The following MED27 variants were observed in gnomAD, a reference collection of about 807,000 sequenced individuals.
MED27 encodes mediator complex subunit 27.
In MED27, 30 loss-of-function variants were observed where a neutral mutation model predicts 38.2. That is an observed-to-expected ratio of 0.79 (90% CI 0.59 to 1.07). The LOEUF is 1.07. Among genes scored for constraint, MED27 ranks in the 50% least tolerant of loss-of-function variants. MED27 has a pLI of 0.00. For synonymous variants in MED27, 122 were observed against 153.5 expected (o/e 0.79, Z 1.52); for missense variants, 289 against 397.5 (o/e 0.73, Z 2.32).
chr9:131,919,382 T>G (rs1830349703), intron 4 of MED27, among the ~76,000 whole-genome samples: 1 of 152,000 alleles, frequency 6.6e-6, no homozygotes. Context: ...TCTAGGGAGC[T>G]GAGGGCCAAG....
At chr9:131,950,074 C>T (rs985060601) in intron 3 of MED27, among the ~76,000 whole-genome samples, 1 of 152,070 alleles carries the variant, frequency 6.6e-6, no homozygotes, top group African/African-American at 2.4e-5. Context: ...AAGCAACATA[C>T]TAAGTTTGGG....
At chr9:131,868,914 T>C in intron 6 of MED27, 1 of 985,478 alleles carries the variant, frequency 1.0e-6, no homozygotes, top group African/African-American at 1.7e-5. Flanking sequence ...CTAGAAAGTG[T>C]CCTCTTCAGA....
In MED27 at chr9:132,079,704, G is replaced by C. The variant is rs1361724037; in HGVS notation, c.141C>G (p.Gly47=). 5.0e-6 allele frequency: 8 copies of C among 1,613,392 alleles called. No homozygotes were observed. The South Asian group carries it at 8.8e-5, about 18-fold the overall frequency. Residue 47 remains glycine (G), a synonymous_variant, in exon 1 of 8, where the codon GGC becomes GGG. Coordinates refer to ENST00000292035, the MANE Select transcript of MED27 (RefSeq NM_004269.4). ...AGTGCGCAATAAAGGCCTTCTCCCGGCCCTCCAGCGTCTCCTTGTTCCGCA... is the reference window on the plus strand; with the variant it reads ...AGTGCGCAATAAAGGCCTTCTCCCGCCCCTCCAGCGTCTCCTTGTTCCGCA... ...DGMRNKETLE[G]REKAFIAHFQ...
At chr9:131,968,885 G>A (rs149778857) in intron 3 of MED27, among the ~76,000 whole-genome samples, 19 of 152,104 alleles carry the variant, frequency 1.2e-4, no homozygotes, top group African/African-American at 3.1e-4. Context: ...CTCAGCAGCC[G>A]CCTTAGATTC....
intron 3 of MED27, among the ~76,000 whole-genome samples, chr9:131,979,483 CAAAAAAAAAA>C (rs36197993): frequency 2.3e-5 from 3 of 127,744 alleles, no homozygotes; most frequent in Admixed American, 7.8e-5. Flanking sequence ...AAAGCTGTTC[CAAAAAAAAAA>C]AAAAAAAAAA....
At chr9:131,988,131 T>C (rs2131037460) in intron 3 of MED27, among the ~76,000 whole-genome samples, 1 of 152,362 alleles carries the variant, frequency 6.6e-6, no homozygotes, top group East Asian at 1.9e-4. Flanking sequence ...GTGAGCTCTT[T>C]TGCCTTTTTC....
At chr9:132,040,217 C>T (rs1426551149) in intron 2 of MED27, among the ~76,000 whole-genome samples, 1 of 152,206 alleles carries the variant, frequency 6.6e-6, no homozygotes, top group Admixed American at 6.5e-5. Context: ...AAAGCTGCTG[C>T]CAGCCACCAG....
intron 3 of MED27, among the ~76,000 whole-genome samples, chr9:132,004,096 A>G (rs1217869278): frequency 2.0e-5 from 3 of 151,774 alleles, no homozygotes; most frequent in African/African-American, 7.3e-5. Flanking sequence ...AACCGAGGAA[A>G]CCCCCCGGGA....
At chr9:131,903,403 A>T (rs1208403624) in intron 4 of MED27, among the ~76,000 whole-genome samples, 1 of 152,178 alleles carries the variant, frequency 6.6e-6, no homozygotes, top group African/African-American at 2.4e-5. Flanking sequence ...GAATTATGGG[A>T]GCTACAAGAT....
At chr9:131,907,893 G>T (rs1220061305) in intron 4 of MED27, among the ~76,000 whole-genome samples, 14 of 148,590 alleles carry the variant, frequency 9.4e-5, no homozygotes, top group African/African-American at 3.5e-4. Context: ...TGTGAGGAGC[G>T]CCTCTGCCCG....
chr9:131,978,579 T>C (rs1029647587), intron 3 of MED27, among the ~76,000 whole-genome samples: 1 of 152,238 alleles, frequency 6.6e-6, no homozygotes, highest in Non-Finnish European at 1.5e-5. Flanking sequence ...TGCTTTGAAA[T>C]AGCATAAGGA....
chr9:132,005,434 C>T (rs938374056), intron 3 of MED27, among the ~76,000 whole-genome samples: 3 of 152,172 alleles, frequency 2.0e-5, no homozygotes, highest in African/African-American at 7.2e-5. Flanking sequence ...GCTCTGAATG[C>T]CAGGTATTTG....
intron 2 of MED27, among the ~76,000 whole-genome samples, chr9:132,065,938 T>G (rs1024366377): frequency 3.9e-5 from 6 of 152,380 alleles, no homozygotes; most frequent in East Asian, 3.9e-4. Context: ...GCTAGCAGCA[T>G]GGCCTTGGAC....
chr9:131,914,063 G>A (rs188979311), intron 4 of MED27, among the ~76,000 whole-genome samples: 31 of 152,298 alleles, frequency 2.0e-4, no homozygotes, highest in Non-Finnish European at 4.0e-4. Flanking sequence ...TTCTTCTGGG[G>A]GAGCTTGCAG....
intron 3 of MED27, among the ~76,000 whole-genome samples, chr9:131,981,354 A>AAAG (rs1157574962): frequency 6.6e-6 from 1 of 152,228 alleles, no homozygotes; most frequent in African/African-American, 2.4e-5. Context: ...AGACATGTGT[A>AAAG]AAGCCCCATG....
intron 2 of MED27, among the ~76,000 whole-genome samples, chr9:132,066,600 G>C (rs1833815058): frequency 6.6e-6 from 1 of 152,240 alleles, no homozygotes; most frequent in African/African-American, 2.4e-5. Context: ...GCCAGGGACT[G>C]GCCCCAGCAA....
At chr9:131,952,808 C>T (rs1278776143) in intron 3 of MED27, among the ~76,000 whole-genome samples, 2 of 152,220 alleles carry the variant, frequency 1.3e-5, no homozygotes, top group African/African-American at 4.8e-5. Context: ...AGTAACAGCT[C>T]CGCCCATGGG....
At chr9:131,924,495 T>C (rs1480218928) in intron 4 of MED27, among the ~76,000 whole-genome samples, 2 of 152,200 alleles carry the variant, frequency 1.3e-5, no homozygotes, top group Non-Finnish European at 1.5e-5. Flanking sequence ...CTGTAATGTA[T>C]GTTGCAAATA....
chr9:131,902,917 G>A (rs1224852372), intron 4 of MED27, among the ~76,000 whole-genome samples: 3 of 152,194 alleles, frequency 2.0e-5, no homozygotes, highest in Non-Finnish European at 2.9e-5. Context: ...ACCTGCATTT[G>A]TGTCTTGGCT....
Sources: allele counts gnomAD v4.1 joint callset (sites outside exome capture counted in the v4.1 genomes callset), GRCh38; gene constraint gnomAD v4.1.1; transcripts MANE v1.5; gene names NCBI Gene and HGNC (gene_info 2026-07-23, HGNC 2026-07-21).